PDE4B: variants seen among roughly 807,000 people sequenced by gnomAD.
PDE4B encodes the protein phosphodiesterase 4B.
A neutral mutation model predicts 82.2 loss-of-function variants in PDE4B; 20 were observed. The observed-to-expected ratio is 0.24, with a 90% CI of 0.17 to 0.35. The LOEUF is 0.35. Among genes scored for constraint, PDE4B ranks in the 10% least tolerant of loss-of-function variants. PDE4B has a pLI of 1.00. For missense variants in PDE4B, 655 were observed against 907.2 expected, an observed-to-expected ratio of 0.72 and a Z score of 3.57; for synonymous variants, 320 against 318.9, an observed-to-expected ratio of 1.00 and a Z score of -0.04.
At chr1:66,076,263 T>C (rs1222613722) in intron 3 of PDE4B, among the ~76,000 whole-genome samples, 2 of 152,166 alleles carry the variant, frequency 1.3e-5, no homozygotes, top group African/African-American at 4.8e-5. Flanking sequence ...CACTTGTAAG[T>C]GAGAACATGT....
At position 65,829,303 on chromosome 1, in the gene PDE4B, T is replaced by C. The variant is rs187905641; in HGVS notation, c.-71+36055T>C. Among the ~76,000 whole-genome samples, 405 of 152,220 alleles carry C rather than the reference T, an allele frequency of 2.7e-3. 1 individual carries two copies. The highest frequency in any genetic ancestry group is 2.6e-3 in the Non-Finnish European group (180 of 67,988). The stretch of plus-strand genomic sequence containing the variant: ...TGTATGCTTGTGATGTGACCTCAAA[T>C]ACATGCAGCAAAACTACCAGATTTG... On this transcript the variant is annotated intron_variant, in intron 1 of 16. Coordinates refer to ENST00000341517, the MANE Select transcript of PDE4B (RefSeq NM_002600.4).
At chr1:65,861,896 T>A (rs1646458797) in intron 1 of PDE4B, among the ~76,000 whole-genome samples, 1 of 152,088 alleles carries the variant, frequency 6.6e-6, no homozygotes, top group African/African-American at 2.4e-5. Context: ...GCACATTGAT[T>A]TTTGTATCCT....
chr1:66,159,339 A>C (rs1198888452), intron 3 of PDE4B, among the ~76,000 whole-genome samples: 2 of 151,744 alleles, frequency 1.3e-5, no homozygotes, highest in African/African-American at 2.4e-5. Context: ...CCCAGGTTCA[A>C]GCAATTCTCA....
chr1:66,079,124 ACACT>A (rs1482034368), intron 3 of PDE4B, among the ~76,000 whole-genome samples: 1 of 151,262 alleles, frequency 6.6e-6, no homozygotes, highest in Non-Finnish European at 1.5e-5. Flanking sequence ...TGCTCTGAAC[ACACT>A]CTCTCACTGT....
intron 3 of PDE4B, among the ~76,000 whole-genome samples, chr1:66,224,186 C>A (rs531523497): frequency 2.0e-5 from 3 of 152,126 alleles, no homozygotes; most frequent in South Asian, 4.1e-4. Flanking sequence ...TACTCCATTA[C>A]GACTTCCAGC....
intron 3 of PDE4B, among the ~76,000 whole-genome samples, chr1:65,942,793 T>G (rs867845472): frequency 6.6e-6 from 1 of 152,088 alleles, no homozygotes; most frequent in African/African-American, 2.4e-5. Context: ...TGAACGTTTT[T>G]TCATATACCT....
intron 3 of PDE4B, among the ~76,000 whole-genome samples, chr1:66,158,906 A>C (rs141046407): frequency 6.6e-6 from 1 of 152,216 alleles, no homozygotes; most frequent in African/African-American, 2.4e-5. Context: ...TCATAAAAGT[A>C]GAGATTAGAA....
intron 3 of PDE4B, among the ~76,000 whole-genome samples, chr1:65,932,923 C>T (rs1362835601): frequency 6.6e-6 from 1 of 151,790 alleles, no homozygotes; most frequent in South Asian, 2.1e-4. Context: ...AAACGAATGA[C>T]AAAAATAAAG....
chr1:66,119,197 A>C (rs1331227217), intron 3 of PDE4B, among the ~76,000 whole-genome samples: 1 of 152,204 alleles, frequency 6.6e-6, no homozygotes, highest in Non-Finnish European at 1.5e-5. Flanking sequence ...TTTATGAAGA[A>C]ATAGGGGAGT....
intron 8 of PDE4B, among the ~76,000 whole-genome samples, chr1:66,337,726 C>G (rs1660642930): frequency 6.6e-6 from 1 of 152,066 alleles, no homozygotes; most frequent in African/African-American, 2.4e-5. Context: ...AGTGTGTGGC[C>G]CCACACATGT....
intron 1 of PDE4B, among the ~76,000 whole-genome samples, chr1:65,849,138 G>A (rs1199812308): frequency 6.6e-6 from 1 of 152,140 alleles, no homozygotes. Context: ...TCAATAGATA[G>A]TGGGGTATTT....
intron 3 of PDE4B, among the ~76,000 whole-genome samples, chr1:65,965,494 G>C (rs1411887271): frequency 6.8e-6 from 1 of 146,382 alleles, no homozygotes; most frequent in Non-Finnish European, 1.5e-5. Context: ...TTAAACAGTG[G>C]TGAACAGTTC....
intron 2 of PDE4B, among the ~76,000 whole-genome samples, chr1:65,915,416 A>G (rs1211642802): frequency 6.6e-6 from 1 of 152,214 alleles, no homozygotes. Context: ...GACTTAAAAA[A>G]TTATGTCCTG....
intron 3 of PDE4B, among the ~76,000 whole-genome samples, chr1:66,180,174 A>G (rs1299287208): frequency 6.6e-6 from 1 of 152,206 alleles, no homozygotes; most frequent in Non-Finnish European, 1.5e-5. Context: ...ATGTATTGCA[A>G]TCTGGTAAGT....
intron 3 of PDE4B, among the ~76,000 whole-genome samples, chr1:66,217,719 T>C (rs1315119360): frequency 1.3e-5 from 2 of 152,172 alleles, no homozygotes; most frequent in Non-Finnish European, 2.9e-5. Context: ...TATTTATCCA[T>C]CAAGGCCTAG....
intron 3 of PDE4B, among the ~76,000 whole-genome samples, chr1:66,060,260 A>G (rs915259403): frequency 1.3e-5 from 2 of 152,210 alleles, no homozygotes; most frequent in African/African-American, 4.8e-5. Context: ...CTTGACTATT[A>G]CTAACTCTTT....
intron 3 of PDE4B, among the ~76,000 whole-genome samples, chr1:65,926,100 C>T (rs1647484261): frequency 1.3e-5 from 2 of 152,162 alleles, no homozygotes; most frequent in Admixed American, 6.5e-5. Flanking sequence ...ACAGTTCCCC[C>T]TTGACCCTCA....
At position 66,084,476 on chromosome 1, in the gene PDE4B, C is replaced by A. The variant is rs72920250; in HGVS notation, c.282-162984C>A. Among the ~76,000 whole-genome samples the A allele has an allele frequency of 8.7e-3, 1,326 of 152,264 alleles. 20 individuals carry two copies. Among genetic ancestry groups the A allele is most frequent in the African/African-American group, 0.03 (1,241 of 41,568 alleles). Reference sequence around the variant, plus strand: ...TAACAATAAAGAGCTTCTTAGGAATCTTTCTTATAATGACCCTCAGTCTGG... The same window carrying A: ...TAACAATAAAGAGCTTCTTAGGAATATTTCTTATAATGACCCTCAGTCTGG... On this transcript the variant is annotated intron_variant, in intron 3 of 16. Coordinates refer to ENST00000341517, the MANE Select transcript of PDE4B (RefSeq NM_002600.4).
intron 3 of PDE4B, among the ~76,000 whole-genome samples, chr1:65,978,415 T>C (rs1650522388): frequency 7.0e-6 from 1 of 142,792 alleles, no homozygotes; most frequent in Admixed American, 7.2e-5. Flanking sequence ...CATCTATGGA[T>C]AAGGCACTGA....
Sources: allele counts gnomAD v4.1 joint callset (sites outside exome capture counted in the v4.1 genomes callset), GRCh38; gene constraint gnomAD v4.1.1; transcripts MANE v1.5; gene names NCBI Gene and HGNC (gene_info 2026-07-23, HGNC 2026-07-21).